The following MYH11 variants were observed in gnomAD, a reference collection of about 807,000 sequenced individuals.
MYH11 encodes myosin heavy chain 11.
MYH11 carries 80 observed loss-of-function variants against 246.6 expected under a neutral mutation model. The observed-to-expected ratio is 0.32, with a 90% CI of 0.27 to 0.39. MYH11 has a LOEUF of 0.39. MYH11 is among the 10% of genes least tolerant of loss of function. MYH11 has a pLI of 1.00. For synonymous variants in MYH11, 1,071 were observed against 1,015.5 expected (o/e 1.05, Z -1.04); for missense variants, 2,158 against 2,546.8 (o/e 0.85, Z 3.29).
At chr16:15,805,605 C>T (rs2042990978) in intron 3 of MYH11, among the ~76,000 whole-genome samples, 2 of 152,168 alleles carry the variant, frequency 1.3e-5, no homozygotes, top group Admixed American at 6.5e-5. Context: ...GGATAGTATT[C>T]AGCCATGAAA....
rs1390595486 is a variant in MYH11, at chr16:15,726,950, A to C, written c.3756T>G (p.His1252Gln). 5.0e-6 allele frequency: 8 copies of C among 1,613,078 alleles called. No individual in the cohort carries two copies. Among genetic ancestry groups the C allele is most frequent in the African/African-American group, 1.3e-5 (1 of 74,716 alleles). The change falls in exon 28 of 41, where the codon CAT (histidine) becomes CAG (glutamine). Residue 1252 changes from histidine to glutamine, a missense_variant. This residue lies in a region of MYH11 where 1,013 missense variants were observed against 993.5 expected (regional missense o/e 1.02). Coordinates refer to ENST00000300036, the MANE Select transcript of MYH11 (RefSeq NM_002474.3). ...VLGQAKQEVE[H>Q]KKKKLEAQVQ... is the part of the protein sequence containing the mutation. ...CCTGCGCCTCCAGCTTCTTCTTCTT[A>C]TGTTCCACCTCCTGCTTGGCCTGGC...
rs367776858 is a variant in MYH11, at chr16:15,802,770, G to C, written c.503-4083C>G. Among the ~76,000 whole-genome samples, 3 of 151,994 alleles carry C rather than the reference G, an allele frequency of 2.0e-5. No homozygotes were observed. The East Asian group carries it at 5.8e-4, about 29-fold the overall frequency. ...CACCTGTGATTTTATTTAGAATAAG[G>C]GTCTTGCAGATGTAATTAAGGGAAG... On this transcript the variant is annotated intron_variant, in intron 3 of 40. Coordinates refer to ENST00000300036, the MANE Select transcript of MYH11 (RefSeq NM_002474.3).
At chr16:15,719,485 G>T in intron 35 of MYH11, 100 bp downstream of exon 35, 1 of 1,579,118 alleles carries the variant, frequency 6.3e-7, no homozygotes. Context: ...GGACCCCAGA[G>T]GAGGACGAAA....
chr16:15,710,688 GT>G (rs202074294), intron 40 of MYH11, among the ~76,000 whole-genome samples: 16 of 147,608 alleles, frequency 1.1e-4, no homozygotes, highest in African/African-American at 3.2e-4. Flanking sequence ...TTTGTTTTTT[GT>G]TTTTTTTTTG....
intron 25 of MYH11, 26 bp from the exon 26 acceptor site, chr16:15,735,604 G>T (rs1336944699): frequency 2.5e-6 from 4 of 1,612,692 alleles, no homozygotes; most frequent in Non-Finnish European, 3.4e-6. Context: ...CCAGCAGAAT[G>T]AACCCCCAGG....
chr16:15,775,668 T>C (rs2075516), intron 8 of MYH11, among the ~76,000 whole-genome samples: 53,227 of 152,174 alleles, frequency 0.35, 9,747 homozygotes, highest in East Asian at 0.56. Flanking sequence ...TGCTTAGTCC[T>C]GCTGCCCCTG....
intron 4 of MYH11, among the ~76,000 whole-genome samples, chr16:15,795,538 G>C (rs1596853734): frequency 2.0e-5 from 3 of 152,208 alleles, no homozygotes; most frequent in Admixed American, 1.3e-4. Flanking sequence ...TTGAACCTGG[G>C]AGGTGGAGGT....
rs2039605613 is a variant in MYH11, at chr16:15,708,747, C to G, written c.5787-4624G>C. ...GGGGTGGGCAGAGGGGCGCATTGGG[C>G]AGAAAAGAAATGGATACTGAGACAA... On this transcript the variant is annotated intron_variant, in intron 40 of 40. Coordinates refer to ENST00000300036, the MANE Select transcript of MYH11 (RefSeq NM_002474.3). 3.8e-6 allele frequency: 6 copies of G among 1,568,536 alleles called. No homozygotes were observed. The South Asian group carries it at 5.8e-5, about 15-fold the overall frequency.
intron 5 of MYH11, among the ~76,000 whole-genome samples, chr16:15,784,111 C>T (rs903307928): frequency 1.4e-4 from 22 of 152,076 alleles, no homozygotes; most frequent in African/African-American, 5.1e-4. Flanking sequence ...GCTAGTGCAT[C>T]GCGACCTCCA....
At position 15,720,887 on chromosome 16, in the gene MYH11, T is replaced by G; in HGVS notation, c.4743A>C (p.Gln1581His). 1 of 1,614,058 alleles carries G rather than the reference T, an allele frequency of 6.2e-7. No homozygotes were observed. The change falls in exon 33 of 41, where the codon CAA becomes CAC. Residue 1581 changes from glutamine (Q) to histidine (H), a missense_variant. Gln to His is a conservative substitution (Grantham distance 24). Around this residue, in one of 11 missense-constraint regions of MYH11, gnomAD observed 1,013 missense variants for 993.5 expected, o/e 1.02. Coordinates refer to ENST00000300036, the MANE Select transcript of MYH11 (RefSeq NM_002474.3). ...TCTCCTCATTCTGCTCGTCCCGGGC[T>G]TGGAGATCCCTTTCGAACTGGCCCT... ...ALKGQFERDL[Q>H]ARDEQNEEKR...
intron 26 of MYH11, chr16:15,732,926 A>G: frequency 1.7e-6 from 1 of 603,676 alleles, no homozygotes; most frequent in Non-Finnish European, 2.9e-6. Flanking sequence ...GGACATCTGT[A>G]ATGACTGGCA....
intron 40 of MYH11, among the ~76,000 whole-genome samples, chr16:15,709,067 C>G (rs764473966): frequency 6.6e-6 from 1 of 152,000 alleles, no homozygotes; most frequent in South Asian, 2.1e-4. Flanking sequence ...CTCAGCCTCC[C>G]GAGTAGCTGG....
chr16:15,772,643 C>T (rs985055970), intron 8 of MYH11, among the ~76,000 whole-genome samples: 1 of 152,140 alleles, frequency 6.6e-6, no homozygotes, highest in African/African-American at 2.4e-5. Flanking sequence ...TTATGTATTA[C>T]ATATCATAGG....
At position 15,763,826 on chromosome 16, in the gene MYH11, T is replaced by A; in HGVS notation, c.1099A>T (p.Thr367Ser). 6.7e-7 allele frequency: 1 copy of A among 1,488,300 alleles called. No homozygotes were observed. Among genetic ancestry groups the A allele is most frequent in the Non-Finnish European group, 9.1e-7 (1 of 1,103,892 alleles). 92.2% of individuals were successfully genotyped at this position (1,488,300 alleles called of 1,614,324 possible). The change falls in exon 10 of 41, where the codon ACA becomes TCA. Residue 367 changes from threonine (T) to serine (S), a missense_variant. Thr to Ser is a moderately conservative substitution (Grantham distance 58). This residue lies in a region of MYH11 where 317 missense variants were observed against 507.7 expected (regional missense o/e 0.62). Coordinates refer to ENST00000300036, the MANE Select transcript of MYH11 (RefSeq NM_002474.3). Reference protein sequence around the residue: ...GNIVFKKERNTDQASMPDNTA... With the variant: ...GNIVFKKERNSDQASMPDNTA... Reference sequence around the variant, plus strand: ...TTATCTGGCATGGACGCCTGGTCTGTGTTTCTTTCCTTCTTGAAGACGATA... The same window carrying A: ...TTATCTGGCATGGACGCCTGGTCTGAGTTTCTTTCCTTCTTGAAGACGATA...
intron 37 of MYH11, 128 bp downstream of exon 37, chr16:15,718,187 C>CA: frequency 1.3e-6 from 2 of 1,481,538 alleles, no homozygotes; most frequent in Non-Finnish European, 1.9e-6. Context: ...TCTCAGGCCC[C>CA]ACCACCCTCT....
intron 1 of MYH11, among the ~76,000 whole-genome samples, chr16:15,847,360 C>T (rs2044220149): frequency 6.6e-6 from 1 of 151,770 alleles, no homozygotes; most frequent in South Asian, 2.1e-4. Flanking sequence ...AAGTGATCCT[C>T]CCACCCCAGC....
intron 19 of MYH11, among the ~76,000 whole-genome samples, chr16:15,746,093 T>G (rs2151257982): frequency 7.5e-6 from 1 of 133,578 alleles, no homozygotes; most frequent in East Asian, 2.6e-4. Context: ...ATTTTTAAAG[T>G]TTTTTTTTTT....
At chr16:15,729,643 T>C (rs1475105610) in intron 27 of MYH11, among the ~76,000 whole-genome samples, 1 of 151,828 alleles carries the variant, frequency 6.6e-6, no homozygotes, top group Non-Finnish European at 1.5e-5. Flanking sequence ...CTTTACCTCC[T>C]GGGTTCAAGT....
intron 27 of MYH11, among the ~76,000 whole-genome samples, chr16:15,730,486 G>A (rs1276634175): frequency 1.3e-5 from 2 of 152,056 alleles, no homozygotes; most frequent in African/African-American, 4.8e-5. Flanking sequence ...AGGTTGCAGT[G>A]AGCCAAGATC....
Sources: gnomAD v4.1 joint callset for allele counts (sites outside exome capture counted in the v4.1 genomes callset) on GRCh38, gnomAD v4.1.1 for gene constraint, gnomAD v4.1.1 regional missense constraint, MANE v1.5 for transcripts, NCBI Gene and HGNC (gene_info 2026-07-23, HGNC 2026-07-21) for gene names.